The following RSPH14 variants were observed in gnomAD, a reference collection of about 807,000 sequenced individuals.
RSPH14 encodes the protein radial spoke head 14 homolog, also known as rhabdoid tumor deletion region gene 1.
Under a neutral mutation model 26.7 loss-of-function variants are expected in RSPH14, and 20 were observed. That is an observed-to-expected ratio of 0.75 (90% confidence interval 0.53 to 1.09). RSPH14 has a LOEUF of 1.09. Among genes scored for constraint, RSPH14 ranks in the 50% least tolerant of loss-of-function variants. The probability of loss-of-function intolerance (pLI) is 0.00; values close to 1 mark genes in which losing one functional copy is unlikely to be tolerated. For synonymous variants in RSPH14, 177 were observed against 189.3 expected (o/e 0.93, Z 0.53); for missense variants, 449 against 457.2 (o/e 0.98, Z 0.16).
At chr22:23,120,154 G>C (rs963558912) in intron 4 of RSPH14, among the ~76,000 whole-genome samples, 2 of 152,170 alleles carry the variant, frequency 1.3e-5, no homozygotes, top group Non-Finnish European at 2.9e-5. Context: ...GAGTTTCCAT[G>C]ACCTCTAAGT....
At chr22:23,172,646 C>A in the RSPH14 span, among the ~76,000 whole-genome samples, 2 of 137,978 alleles carry the variant, frequency 1.4e-5, no homozygotes, top group African/African-American at 5.5e-5. Flanking sequence ...GAGCAAGAAT[C>A]CGTCTCAAAA....
the RSPH14 span, chr22:23,160,765 C>A: frequency 6.9e-7 from 1 of 1,439,736 alleles, no homozygotes; most frequent in African/African-American, 1.4e-5. Context: ...TCAGGGTGCT[C>A]TAGAAAGGGC....
chr22:23,128,508 G>T (rs2070236866), intron 4 of RSPH14, among the ~76,000 whole-genome samples: 1 of 152,248 alleles, frequency 6.6e-6, no homozygotes, highest in Non-Finnish European at 1.5e-5. Context: ...CAGCCTGGAA[G>T]GAACTTAGAG....
At chr22:23,159,331 GTT>G in the RSPH14 span, 2,308 of 1,342,016 alleles carry the variant, frequency 1.7e-3, 3 homozygotes, top group Non-Finnish European at 2.2e-3. Flanking sequence ...GCCATGCAGT[GTT>G]TCCCTCTGTA....
intron 4 of RSPH14, among the ~76,000 whole-genome samples, chr22:23,070,014 T>C (rs532313243): frequency 6.6e-5 from 10 of 152,218 alleles, no homozygotes; most frequent in Admixed American, 1.3e-4. Context: ...CAGGCTTGGT[T>C]TCCCGGGCTG....
At chr22:23,152,780 C>G in the RSPH14 span, among the ~76,000 whole-genome samples, 4 of 152,320 alleles carry the variant, frequency 2.6e-5, no homozygotes, top group African/African-American at 9.6e-5. Flanking sequence ...GCTCTCCCCT[C>G]CACTGCCCTC....
rs10584928 is a variant in RSPH14, at chr22:23,139,623, A to AAAAT, written c.199+595_199+598dup. Reference sequence around the variant, plus strand: ...GCAAGAGAGCGAGATGCCATCTCAAAAAATAAATAAATAAATAAATAAATA... The same window carrying AAAAT: ...GCAAGAGAGCGAGATGCCATCTCAAAAAATAAATAAATAAATAAATAAATAAATA... On this transcript the variant is annotated intron_variant, in intron 2 of 6. Coordinates refer to ENST00000216036, the MANE Select transcript of RSPH14 (RefSeq NM_014433.3). Among the ~76,000 whole-genome samples the AAAAT allele has an allele frequency of 2.7e-3, 406 of 151,418 alleles. 1 individual carries two copies. Among genetic ancestry groups the AAAAT allele is most frequent in the African/African-American group, 6.3e-3 (262 of 41,262 alleles).
chr22:23,059,537 G>C lies in RSPH14; in HGVS notation c.972C>G (p.Tyr324Ter), dbSNP rs149525500. 2 of 1,614,174 alleles carry C rather than the reference G, an allele frequency of 1.2e-6. No homozygotes were observed. Among genetic ancestry groups the C allele is most frequent in the Admixed American group, 1.7e-5 (1 of 60,024 alleles). Residue 324 changes from tyrosine (Y) to a stop codon, truncating the protein, a stop_gained, in exon 7 of 7, where the codon TAC becomes TAG. Coordinates refer to ENST00000216036, the MANE Select transcript of RSPH14 (RefSeq NM_014433.3). LOFTEE classifies it high-confidence loss of function. ...PTFRAMEVET[Y>*]EKPQVAEALQ... ...AGGCTTCGGCCACTTGAGGCTTTTC[G>C]TAAGTCTCCACCTCCATGGCACGGA...
the RSPH14 span, chr22:23,150,128 C>G: frequency 6.2e-7 from 1 of 1,612,318 alleles, no homozygotes; most frequent in Non-Finnish European, 8.5e-7. Flanking sequence ...GCGCTGCCTG[C>G]CAACGCAGGA....
At chr22:23,077,767 C>T (rs963875795) in intron 4 of RSPH14, among the ~76,000 whole-genome samples, 14 of 152,184 alleles carry the variant, frequency 9.2e-5, no homozygotes, top group African/African-American at 3.4e-4. Flanking sequence ...CCAAGAGGGG[C>T]CTTCTGAAGA....
In RSPH14 at chr22:23,136,912, G is replaced by T. The variant is rs1449693662; in HGVS notation, c.302+1928C>A. Among the ~76,000 whole-genome samples, 3 of 138,604 alleles carry T rather than the reference G, an allele frequency of 2.2e-5. 1 individual carries two copies. Among genetic ancestry groups the T allele is most frequent in the Admixed American group, 7.6e-5 (1 of 13,084 alleles). The allele number at this position is 138,604 out of a possible 152,430, so 90.9% of individuals were successfully genotyped here. ...GAGTGAGGCTGGGATTAGGATTGTT[G>T]CCCAGATCACAGAGCAGGAAAGAGT... On this transcript the variant is annotated intron_variant, in intron 3 of 6. Coordinates refer to ENST00000216036, the MANE Select transcript of RSPH14 (RefSeq NM_014433.3).
rs556857395 is a variant in RSPH14 at position 23,067,171 on chromosome 22, C to T, written c.422-3038G>A. Among the ~76,000 whole-genome samples, 8 of 152,252 alleles carry T rather than the reference C, an allele frequency of 5.3e-5. No homozygotes were observed. The East Asian group carries it at 1.2e-3, about 22-fold the overall frequency. On this transcript the variant is annotated intron_variant, in intron 4 of 6. Coordinates refer to ENST00000216036, the MANE Select transcript of RSPH14 (RefSeq NM_014433.3). ...GAGATCCAATGGGATTGAGGGGTCA[C>T]GGATGTCCATGGTGTGGAGCCCCAG...
intron 4 of RSPH14, among the ~76,000 whole-genome samples, chr22:23,104,155 CG>C (rs1208098953): frequency 6.6e-6 from 1 of 150,994 alleles, no homozygotes; most frequent in East Asian, 1.9e-4. Flanking sequence ...AGGGGGCTGT[CG>C]GGGGCCATGG....
At position 23,089,295 on chromosome 22, in the gene RSPH14, G is replaced by A. The variant is rs113536837; in HGVS notation, c.422-25162C>T. On this transcript the variant is annotated intron_variant, in intron 4 of 6. Coordinates refer to ENST00000216036, the MANE Select transcript of RSPH14 (RefSeq NM_014433.3). ...TGCCTCAGCCGGGGGCACTGACTCT[G>A]TGCTGTGCTGGCTGTTGTGGAGGAG... Among the ~76,000 whole-genome samples, 737 of 152,326 alleles carry A rather than the reference G, an allele frequency of 4.8e-3. 6 individuals carry two copies. Among genetic ancestry groups the A allele is most frequent in the Non-Finnish European group, 8.6e-3 (583 of 68,018 alleles).
intron 4 of RSPH14, among the ~76,000 whole-genome samples, chr22:23,083,999 C>T (rs2068747268): frequency 6.6e-6 from 1 of 152,056 alleles, no homozygotes; most frequent in African/African-American, 2.4e-5. Context: ...GAGATGCAGC[C>T]AGAGAGGCAG....
At chr22:23,130,348 G>A (rs990523587) in intron 4 of RSPH14, among the ~76,000 whole-genome samples, 3 of 151,614 alleles carry the variant, frequency 2.0e-5, no homozygotes, top group South Asian at 2.1e-4. Context: ...CCAGCTACTC[G>A]GGAGGCTGAG....
intron 4 of RSPH14, among the ~76,000 whole-genome samples, chr22:23,069,344 T>C (rs1399807472): frequency 6.6e-6 from 1 of 152,180 alleles, no homozygotes; most frequent in Non-Finnish European, 1.5e-5. Flanking sequence ...TGCTCTAGGA[T>C]ACACAAAGCT....
At chr22:23,112,187 A>G (rs1342322926) in intron 4 of RSPH14, among the ~76,000 whole-genome samples, 2 of 152,142 alleles carry the variant, frequency 1.3e-5, no homozygotes, top group East Asian at 3.9e-4. Flanking sequence ...TCCCAGCACC[A>G]AGAAAGAGGT....
chr22:23,135,208 T>C (rs1309776888), intron 3 of RSPH14, among the ~76,000 whole-genome samples: 2 of 150,422 alleles, frequency 1.3e-5, no homozygotes, highest in Non-Finnish European at 2.9e-5. Context: ...GCGCGGTGGC[T>C]CACGCCTGTA....
Sources: allele counts gnomAD v4.1 joint callset (sites outside exome capture counted in the v4.1 genomes callset), GRCh38; gene constraint gnomAD v4.1.1; transcripts MANE v1.5; gene names NCBI Gene and HGNC (gene_info 2026-07-23, HGNC 2026-07-21).